The following PFDN1 variants were observed in gnomAD, a reference collection of about 807,000 sequenced individuals.
PFDN1 encodes prefoldin subunit 1.
In PFDN1, 6 loss-of-function variants were observed where a neutral mutation model predicts 17.3. That is an observed-to-expected ratio of 0.35 (90% CI 0.19 to 0.69). The LOEUF (loss-of-function observed/expected upper bound fraction) is 0.69, where lower values mean the gene tolerates loss of function less well. PFDN1 is among the 30% of genes least tolerant of loss of function. The probability of loss-of-function intolerance (pLI) is 0.65; values close to 1 mark genes in which losing one functional copy is unlikely to be tolerated. For missense variants in PFDN1, 113 were observed against 146.2 expected, an observed-to-expected ratio of 0.77 and a Z score of 1.17; for synonymous variants, 58 against 50.1, an observed-to-expected ratio of 1.16 and a Z score of -0.67.
chr5:140,288,232 G>A (rs1175697414), intron 2 of PFDN1, among the ~76,000 whole-genome samples: 5 of 152,164 alleles, frequency 3.3e-5, no homozygotes, highest in Non-Finnish European at 7.3e-5. Context: ...ACGACAAAAC[G>A]AAATGAGGTA....
chr5:140,275,756 C>A (rs1377825998), intron 3 of PFDN1, among the ~76,000 whole-genome samples: 1 of 152,026 alleles, frequency 6.6e-6, no homozygotes, highest in Non-Finnish European at 1.5e-5. Flanking sequence ...CAGACCAGCA[C>A]CTATGTCATG....
At chr5:140,260,236 T>C (rs961881411) in intron 3 of PFDN1, among the ~76,000 whole-genome samples, 1 of 152,026 alleles carries the variant, frequency 6.6e-6, no homozygotes, top group Admixed American at 6.6e-5. Context: ...AAACAAGTGC[T>C]GGCAAAGATG....
At chr5:140,282,519 GTA>G (rs1765426150) in intron 2 of PFDN1, among the ~76,000 whole-genome samples, 1 of 151,414 alleles carries the variant, frequency 6.6e-6, no homozygotes, top group South Asian at 2.1e-4. Flanking sequence ...AAAAAGCACT[GTA>G]TAAGCCTTAG....
Position 140,281,511 on chromosome 5 carries a change from CT to C in PFDN1, c.222del (p.Ala75GlnfsTer7). The C allele has an allele frequency of 6.3e-7, 1 of 1,585,330 alleles. No homozygotes were observed. Among genetic ancestry groups the C allele is most frequent in the Non-Finnish European group, 8.7e-7 (1 of 1,154,534 alleles). ...VGRMFILQSK[E>X]AIHSQLLEKQ... is the part of the protein sequence containing the mutation. The stretch of plus-strand genomic sequence containing the variant: ...TTCTCTAACAGCTGACTGTGAATTG[CT>C]TCCTTGGACTGAAGAATAAACCTAT... On this transcript the variant is annotated frameshift_variant, in exon 3 of 4. Coordinates refer to ENST00000261813, the MANE Select transcript of PFDN1 (RefSeq NM_002622.5). LOFTEE classifies it high-confidence loss of function.
chr5:140,295,241 G>A (rs1014519410), intron 2 of PFDN1, among the ~76,000 whole-genome samples: 4 of 151,912 alleles, frequency 2.6e-5, no homozygotes, highest in Admixed American at 6.6e-5. Flanking sequence ...CACTAGTATG[G>A]TTAAATGTCA....
chr5:140,301,712 C>A (rs1765749758), intron 1 of PFDN1, among the ~76,000 whole-genome samples: 1 of 152,134 alleles, frequency 6.6e-6, no homozygotes, highest in East Asian at 1.9e-4. Context: ...GCATTCACCG[C>A]CCGCAAGTTT....
intron 3 of PFDN1, among the ~76,000 whole-genome samples, chr5:140,257,500 C>T (rs963976617): frequency 6.6e-6 from 1 of 152,214 alleles, no homozygotes; most frequent in East Asian, 1.9e-4. Flanking sequence ...TTTTCATTCA[C>T]ATCTTAGCTG....
intron 3 of PFDN1, among the ~76,000 whole-genome samples, chr5:140,265,981 C>G (rs1765128848): frequency 6.6e-6 from 1 of 152,118 alleles, no homozygotes; most frequent in Non-Finnish European, 1.5e-5. Flanking sequence ...GACTTTTGTC[C>G]ACACTATTCC....
intron 3 of PFDN1, among the ~76,000 whole-genome samples, chr5:140,268,330 AAAAT>A (rs1765161158): frequency 6.6e-6 from 1 of 152,234 alleles, no homozygotes; most frequent in South Asian, 2.1e-4. Context: ...AAAAGTTATT[AAAAT>A]AAATAAGATA....
rs1484969187 is a variant in PFDN1, at chr5:140,245,528, G to A, written c.*446C>T. Reference sequence around the variant, plus strand: ...GAAGAGGGCAAGGCCCATCCCCCAAGAAAGGAAGGGCTCTGATGCAGAGGG... The same window carrying A: ...GAAGAGGGCAAGGCCCATCCCCCAAAAAAGGAAGGGCTCTGATGCAGAGGG... On this transcript the variant is annotated 3_prime_UTR_variant, in exon 4 of 4. Transcript: ENST00000261813. 8 of 702,528 alleles carry A rather than the reference G, an allele frequency of 1.1e-5. No homozygotes were observed. The highest frequency in any genetic ancestry group is 1.7e-5 in the African/African-American group (1 of 57,280). 43.5% of individuals were successfully genotyped at this position (702,528 alleles called of 1,614,324 possible). A position where few individuals can be genotyped will look rare whatever the true frequency, so the allele number is the denominator to read the frequency against.
At chr5:140,277,593 G>A (rs891292112) in intron 3 of PFDN1, among the ~76,000 whole-genome samples, 3 of 151,890 alleles carry the variant, frequency 2.0e-5, no homozygotes, top group African/African-American at 7.3e-5. Context: ...AGCCACGCGT[G>A]GTAGCATGCC....
In PFDN1 at chr5:140,303,018, G is replaced by A. The variant is rs576998657; in HGVS notation, c.33+23C>T. The A allele has an allele frequency of 7.0e-6, 11 of 1,580,680 alleles. No individual in the cohort carries two copies. The East Asian group carries it at 2.0e-4, about 29-fold the overall frequency. On this transcript the variant is annotated intron_variant, in intron 1 of 3. Transcript: ENST00000261813. ...CTCAGCCTCCAAAAAGAAGACCTCC[G>A]CCTGCCAAAGACCCTCTTTTACCTT...
Position 140,254,180 on chromosome 5 carries a change from C to T in PFDN1, c.286-8123G>A, listed in dbSNP as rs1477926428. Among the ~76,000 whole-genome samples, 3 of 152,128 alleles carry T rather than the reference C, an allele frequency of 2.0e-5. No individual in the cohort carries two copies. Among genetic ancestry groups the T allele is most frequent in the Admixed American group, 6.5e-5 (1 of 15,274 alleles). ...TGGGTGTGGTGCAGATGAATGGGCACGGCTATGTTTCGAAAGCACAGAAAC... is the reference window on the plus strand; with the variant it reads ...TGGGTGTGGTGCAGATGAATGGGCATGGCTATGTTTCGAAAGCACAGAAAC... On this transcript the variant is annotated intron_variant, in intron 3 of 3. Transcript: ENST00000261813. This position sits in a 1 kb window ranked among gnomAD's most constrained non-coding sequence, Gnocchi z 4.4.
At chr5:140,284,377 T>C (rs1446375133) in intron 2 of PFDN1, among the ~76,000 whole-genome samples, 1 of 152,196 alleles carries the variant, frequency 6.6e-6, no homozygotes, top group Non-Finnish European at 1.5e-5. Flanking sequence ...GGTTTAGTCC[T>C]CAATTTAAAA....
chr5:140,272,343 C>T (rs1299951430), intron 3 of PFDN1, among the ~76,000 whole-genome samples: 4 of 144,700 alleles, frequency 2.8e-5, no homozygotes, highest in African/African-American at 1.0e-4. Context: ...TTTAGAGATA[C>T]ATCCATAGGT....
At chr5:140,299,914 A>G (rs1330701108) in intron 2 of PFDN1, among the ~76,000 whole-genome samples, 1 of 152,036 alleles carries the variant, frequency 6.6e-6, no homozygotes, top group Non-Finnish European at 1.5e-5. Context: ...CAGGAGGCTG[A>G]AGCAGGGGAA....
At chr5:140,274,440 A>AT (rs1414259646) in intron 3 of PFDN1, among the ~76,000 whole-genome samples, 2 of 152,172 alleles carry the variant, frequency 1.3e-5, no homozygotes, top group Admixed American at 6.5e-5. Context: ...TATTATCAGT[A>AT]TTTTTTAAAA....
intron 3 of PFDN1, among the ~76,000 whole-genome samples, chr5:140,265,395 A>G (rs1028155702): frequency 6.6e-6 from 1 of 151,952 alleles, no homozygotes; most frequent in Non-Finnish European, 1.5e-5. Flanking sequence ...TTCTCCAGCT[A>G]TACTTTTCCC....
intron 3 of PFDN1, among the ~76,000 whole-genome samples, chr5:140,250,337 G>A (rs1157577540): frequency 6.6e-6 from 1 of 152,148 alleles, no homozygotes; most frequent in Admixed American, 6.5e-5. Context: ...GTTCCTGCCT[G>A]GCCTTTGCCC....
Sources: gnomAD v4.1 joint callset for allele counts (sites outside exome capture counted in the v4.1 genomes callset) on GRCh38, gnomAD v4.1.1 for gene constraint, Gnocchi (gnomAD v3.1) non-coding constraint, MANE v1.5 for transcripts, NCBI Gene and HGNC (gene_info 2026-07-23, HGNC 2026-07-21) for gene names.